SNTA1: variants seen among roughly 807,000 people sequenced by gnomAD.
The protein encoded by SNTA1 is syntrophin alpha 1.
In SNTA1, 31 loss-of-function variants were observed where a neutral mutation model predicts 47.1. The ratio of observed to expected loss-of-function variants is 0.66; its 90% confidence interval spans 0.49 to 0.89. SNTA1 has a LOEUF of 0.89. Among genes scored for constraint, SNTA1 ranks in the 40% least tolerant of loss-of-function variants. SNTA1 has a pLI of 0.00. For synonymous variants in SNTA1, 300 were observed against 313.6 expected, an observed-to-expected ratio of 0.96 and a Z score of 0.46; for missense variants, 575 against 693.0, an observed-to-expected ratio of 0.83 and a Z score of 1.91.
intron 2 of SNTA1, among the ~76,000 whole-genome samples, chr20:33,429,770 AT>A (rs1191395397): frequency 1.3e-5 from 2 of 150,736 alleles, no homozygotes; most frequent in African/African-American, 2.4e-5. Flanking sequence ...TGAGCCACTT[AT>A]TTTTTTTTCG....
In SNTA1 at chr20:33,423,924, C is replaced by G. The variant is rs57689601; in HGVS notation, c.497-6001G>C. 6.6e-3 allele frequency among the ~76,000 whole-genome samples: 1,001 copies of G among 152,272 alleles called. 12 individuals carry two copies. The highest frequency in any genetic ancestry group is 0.023 in the African/African-American group (953 of 41,550). On this transcript the variant is annotated intron_variant, in intron 2 of 7. Transcript: ENST00000217381. ...ATTAGATGATAGAGCCATTTGTTTA[C>G]TAGCCCATGGCCTTTCTCCCCTAAC...
chr20:33,429,919 T>G (rs1990259988), intron 2 of SNTA1, among the ~76,000 whole-genome samples: 1 of 152,196 alleles, frequency 6.6e-6, no homozygotes, highest in African/African-American at 2.4e-5. Flanking sequence ...TGTGCCACCA[T>G]GCCTGGCTAA....
At chr20:33,443,259 C>G in intron 1 of SNTA1, 52 bp downstream of exon 1, 1 of 1,413,450 alleles carries the variant, frequency 7.1e-7, no homozygotes, top group Non-Finnish European at 9.4e-7. Context: ...CCCCTGCGCC[C>G]TCGGCTGCCC....
intron 2 of SNTA1, among the ~76,000 whole-genome samples, chr20:33,432,307 G>C (rs563826401): frequency 6.6e-6 from 1 of 152,334 alleles, no homozygotes; most frequent in South Asian, 2.1e-4. Flanking sequence ...AGCCAGTAGG[G>C]AGCTGGCCTT....
chr20:33,418,413 C>T (rs1166311780), intron 2 of SNTA1, among the ~76,000 whole-genome samples: 1 of 152,030 alleles, frequency 6.6e-6, no homozygotes. Context: ...CACTACCACA[C>T]CCAGCTATTA....
In SNTA1 at chr20:33,412,442, C is replaced by T. The variant is rs1317386856; in HGVS notation, c.910-16G>A. 3.1e-6 allele frequency: 5 copies of T among 1,610,462 alleles called. No individual in the cohort carries two copies. The highest frequency in any genetic ancestry group is 2.2e-5 in the South Asian group (2 of 90,626). ...CACTGGGCAGCTGCAGAGAACAAAA[C>T]AGCAGTGAGGATGGGTGGGGGAAGA... On this transcript the variant is annotated splice_polypyrimidine_tract_variant and intron_variant, in intron 4 of 7. Coordinates refer to ENST00000217381, the MANE Select transcript of SNTA1 (RefSeq NM_003098.3).
At chr20:33,420,490 G>A (rs889261012) in intron 2 of SNTA1, among the ~76,000 whole-genome samples, 9 of 152,112 alleles carry the variant, frequency 5.9e-5, no homozygotes, top group South Asian at 2.1e-4. Flanking sequence ...AAGTGGCCAC[G>A]TCCTGCTCAA....
rs200454417 is a variant in SNTA1, at chr20:33,412,764, C to G, written c.720G>C (p.Ser240=). The change falls in exon 4 of 8, where the codon TCG becomes TCC. Residue 240 remains serine (S), a synonymous_variant. Coordinates refer to ENST00000217381, the MANE Select transcript of SNTA1 (RefSeq NM_003098.3). ...DPEPRYLEIC[S]ADGQDTLFLR... The stretch of plus-strand genomic sequence containing the variant: ...GGAAGAGGGTGTCTTGACCATCTGC[C>G]GAGCAGATCTCCAGATACCTGCAGG... 2 of 1,611,130 alleles carry G rather than the reference C, an allele frequency of 1.2e-6. No homozygotes were observed. The highest frequency in any genetic ancestry group is 2.7e-5 in the African/African-American group (2 of 74,834).
At chr20:33,423,781 T>A (rs1489467495) in intron 2 of SNTA1, among the ~76,000 whole-genome samples, 1 of 152,206 alleles carries the variant, frequency 6.6e-6, no homozygotes, top group African/African-American at 2.4e-5. Context: ...CCAGTACTTA[T>A]CCCAGTGCTT....
chr20:33,421,948 C>A (rs1990034474), intron 2 of SNTA1, among the ~76,000 whole-genome samples: 1 of 118,706 alleles, frequency 8.4e-6, no homozygotes, highest in South Asian at 2.8e-4. Context: ...CAGAGCAAGA[C>A]CCTGTCTCCA....
chr20:33,423,503 G>C (rs1990085441), intron 2 of SNTA1, among the ~76,000 whole-genome samples: 1 of 152,200 alleles, frequency 6.6e-6, no homozygotes, highest in African/African-American at 2.4e-5. Context: ...TGGCCTGGGA[G>C]CCTGATAAGC....
chr20:33,429,678 C>T (rs1397285367), intron 2 of SNTA1, among the ~76,000 whole-genome samples: 2 of 152,140 alleles, frequency 1.3e-5, no homozygotes, highest in African/African-American at 4.8e-5. Flanking sequence ...GAGGCCTTGC[C>T]ATGTTGCCTA....
chr20:33,425,549 C>A (rs760459523), intron 2 of SNTA1, among the ~76,000 whole-genome samples: 1 of 152,174 alleles, frequency 6.6e-6, no homozygotes, highest in Non-Finnish European at 1.5e-5. Flanking sequence ...ATAGTCCTAC[C>A]TACTAGGGAG....
chr20:33,443,237 C>G, intron 1 of SNTA1, 74 bp downstream of exon 1: 1 of 1,219,706 alleles, frequency 8.2e-7, no homozygotes, highest in Non-Finnish European at 1.1e-6. Context: ...ATGTCCTGGG[C>G]GCGCTGCCAG....
chr20:33,441,885 C>T (rs1990587197), intron 1 of SNTA1, among the ~76,000 whole-genome samples: 1 of 152,078 alleles, frequency 6.6e-6, no homozygotes, highest in Admixed American at 6.6e-5. Context: ...TTGCCCTATC[C>T]CATGCTGGAG....
chr20:33,430,311 C>T (rs1472914241), intron 2 of SNTA1, among the ~76,000 whole-genome samples: 128 of 128,842 alleles, frequency 9.9e-4, no homozygotes, highest in African/African-American at 3.5e-3. Context: ...TTTTTTGAGA[C>T]GGAGTCTCAC....
intron 2 of SNTA1, among the ~76,000 whole-genome samples, chr20:33,431,641 C>A (rs1164753518): frequency 1.3e-5 from 2 of 151,980 alleles, no homozygotes; most frequent in Non-Finnish European, 2.9e-5. Context: ...CCCAGCTACT[C>A]GGGAGGCTGA....
intron 2 of SNTA1, among the ~76,000 whole-genome samples, chr20:33,432,084 G>A (rs1306300475): frequency 6.6e-6 from 1 of 152,176 alleles, no homozygotes; most frequent in Admixed American, 6.5e-5. Context: ...AGGTCTTTGC[G>A]GCCATGGGAG....
intron 3 of SNTA1, 113 bp from the exon 4 acceptor site, chr20:33,412,895 G>A (rs1474676999): frequency 1.6e-5 from 12 of 748,146 alleles, no homozygotes; most frequent in African/African-American, 1.4e-4. Flanking sequence ...GGGGATGTCC[G>A]TGAGAGAATC....
Sources: allele counts gnomAD v4.1 joint callset (sites outside exome capture counted in the v4.1 genomes callset), GRCh38; gene constraint gnomAD v4.1.1; transcripts MANE v1.5; gene names NCBI Gene and HGNC (gene_info 2026-07-23, HGNC 2026-07-21).